Variants in CACNA1D observed in about 807,000 individuals in gnomAD.
The protein encoded by CACNA1D is voltage-dependent L-type calcium channel subunit alpha-1D.
Under a neutral mutation model 257.1 loss-of-function variants are expected in CACNA1D, and 55 were observed. The ratio of observed to expected loss-of-function variants is 0.21; its 90% CI spans 0.17 to 0.27. The LOEUF is 0.27. Among genes scored for constraint, CACNA1D ranks in the 10% least tolerant of loss-of-function variants. The probability of loss-of-function intolerance (pLI) is 1.00; values close to 1 mark genes in which losing one functional copy is unlikely to be tolerated. For synonymous variants in CACNA1D, 980 were observed against 1,014.9 expected (o/e 0.97, Z 0.65); for missense variants, 1,876 against 2,784.0 (o/e 0.67, Z 7.34).
At position 53,495,282 on chromosome 3, in the gene CACNA1D, G is replaced by A. The variant is rs1364947905; in HGVS notation, c.67+49G>A. On this transcript the variant is annotated intron_variant, in intron 1 of 47. Transcript: ENST00000350061. This position sits in a 1 kb window ranked among gnomAD's most constrained non-coding sequence, Gnocchi z 5.1. Reference sequence around the variant, plus strand: ...CCGCTGCCAAATCCGATCCTGTCATGGTCCTCCAGCCCCCTCCCCCTTCCC... The same window carrying A: ...CCGCTGCCAAATCCGATCCTGTCATAGTCCTCCAGCCCCCTCCCCCTTCCC... 6.8e-6 allele frequency: 11 copies of A among 1,610,474 alleles called. No homozygotes were observed. The highest frequency in any genetic ancestry group is 2.2e-5 in the East Asian group (1 of 44,862).
intron 9 of CACNA1D, among the ~76,000 whole-genome samples, chr3:53,715,795 G>A (rs2094812329): frequency 6.6e-6 from 1 of 152,210 alleles, no homozygotes. Context: ...CCTCAGTGGA[G>A]CCCTGGCACA....
intron 8 of CACNA1D, among the ~76,000 whole-genome samples, chr3:53,678,413 T>C (rs2094396589): frequency 6.6e-6 from 1 of 152,228 alleles, no homozygotes; most frequent in Non-Finnish European, 1.5e-5. Context: ...ATCATACCAA[T>C]TAATTTGTAT....
intron 3 of CACNA1D, among the ~76,000 whole-genome samples, chr3:53,566,825 C>T (rs184897447): frequency 6.6e-5 from 10 of 152,280 alleles, no homozygotes; most frequent in Admixed American, 2.0e-4. Flanking sequence ...AGTATTCTTC[C>T]ATTACATGCT....
chr3:53,542,881 C>T (rs978135056), intron 3 of CACNA1D, among the ~76,000 whole-genome samples: 1 of 151,734 alleles, frequency 6.6e-6, no homozygotes, highest in Admixed American at 6.6e-5. Flanking sequence ...CATGGAGAAA[C>T]CCTGTCTCTA....
At chr3:53,593,020 T>A (rs1431052442) in intron 3 of CACNA1D, among the ~76,000 whole-genome samples, 1 of 152,170 alleles carries the variant, frequency 6.6e-6, no homozygotes, top group Admixed American at 6.5e-5. Context: ...TTGCTTTTGC[T>A]CAGCCTGTAA....
chr3:53,624,402 G>A (rs1473380761), intron 3 of CACNA1D, among the ~76,000 whole-genome samples: 1 of 152,208 alleles, frequency 6.6e-6, no homozygotes, highest in African/African-American at 2.4e-5. Context: ...GCGTGATAAC[G>A]AAGACAACAC....
chr3:53,794,405 T>G (rs2095498622), intron 40 of CACNA1D, among the ~76,000 whole-genome samples: 1 of 152,282 alleles, frequency 6.6e-6, no homozygotes, highest in East Asian at 1.9e-4. Context: ...GAAGGGCACA[T>G]AATTCTAAGG....
chr3:53,677,000 CTTT>C (rs775573091), intron 8 of CACNA1D, among the ~76,000 whole-genome samples: 1 of 152,212 alleles, frequency 6.6e-6, no homozygotes, highest in Non-Finnish European at 1.5e-5. Context: ...AGAATGTCTT[CTTT>C]AAGTCTGCAA....
chr3:53,581,869 C>T (rs1177622941), intron 3 of CACNA1D, among the ~76,000 whole-genome samples: 2 of 152,184 alleles, frequency 1.3e-5, no homozygotes, highest in Non-Finnish European at 2.9e-5. Flanking sequence ...TAATTTTGAC[C>T]ACATCTCTAG....
At position 53,811,331 on chromosome 3, in the gene CACNA1D, C is replaced by T; in HGVS notation, c.6411C>T (p.Tyr2137=). ...AGCTACAGGACTTTGGTCCTGGCTACAGCGACGAAGAGCCAGACCCTGGGA... is the reference window on the plus strand; with the variant it reads ...AGCTACAGGACTTTGGTCCTGGCTATAGCGACGAAGAGCCAGACCCTGGGA... ...DYELQDFGPG[Y]SDEEPDPGRD... is the part of the protein sequence containing the mutation. The change falls in exon 48 of 48, where the codon TAC becomes TAT. Residue 2137 remains tyrosine (Y), a synonymous_variant. Coordinates refer to ENST00000350061, the MANE Select transcript of CACNA1D (RefSeq NM_001128840.3). This position sits in a 1 kb window ranked among gnomAD's most constrained non-coding sequence, Gnocchi z 4.2. 1.2e-6 allele frequency: 2 copies of T among 1,607,114 alleles called. No homozygotes were observed. Among genetic ancestry groups the T allele is most frequent in the Non-Finnish European group, 8.5e-7 (1 of 1,175,100 alleles).
rs964728432 is a variant in CACNA1D, at chr3:53,780,192, G to T, written c.4690+64G>T. 5.5e-5 allele frequency: 72 copies of T among 1,299,826 alleles called. No individual in the cohort carries two copies. The East Asian group carries it at 1.1e-3, about 20-fold the overall frequency. 80.5% of individuals were successfully genotyped at this position (1,299,826 alleles called of 1,614,324 possible). On this transcript the variant is annotated intron_variant, in intron 38 of 47. Coordinates refer to ENST00000350061, the MANE Select transcript of CACNA1D (RefSeq NM_001128840.3). ...GGAGAGAGACATCACATCCCATCTT[G>T]CCTTCCTCATCTGGGCCTTTTCTTG...
chr3:53,780,407 C>T (rs1261898469), intron 38 of CACNA1D, among the ~76,000 whole-genome samples: 2 of 152,202 alleles, frequency 1.3e-5, no homozygotes. Flanking sequence ...GGCAGGGTAT[C>T]GGAGCAGAGA....
chr3:53,646,067 G>A (rs1037030712), intron 3 of CACNA1D, among the ~76,000 whole-genome samples: 6 of 152,228 alleles, frequency 3.9e-5, no homozygotes, highest in South Asian at 2.1e-4. Flanking sequence ...ATGTCCATGG[G>A]GCAGGCACCC....
intron 3 of CACNA1D, among the ~76,000 whole-genome samples, chr3:53,604,411 G>A (rs1053511422): frequency 5.9e-5 from 9 of 152,180 alleles, no homozygotes; most frequent in Admixed American, 2.6e-4. Context: ...ACAACCTGGG[G>A]CCATGTGTTC....
chr3:53,762,079 G>C lies in CACNA1D; in HGVS notation c.3868G>C (p.Asp1290His), dbSNP rs2095306267. ...TATAGACGTGGCCCTCAGCGAAGCA[G>C]ACGTGAGTATGCACCTGGCGTGGCC... is the stretch of plus-strand genomic sequence containing the variant. ...SIIDVALSEADPTESENVPVP... is the reference protein window; with the variant it reads ...SIIDVALSEAHPTESENVPVP... Residue 1290 changes from aspartate to histidine, a missense_variant and splice_region_variant, in exon 30 of 48, where the codon GAC becomes CAC. By Grantham distance (81) the Asp-to-His change is moderately conservative (BLOSUM62 -1). Transcript: ENST00000350061. 2 of 1,607,108 alleles carry C rather than the reference G, an allele frequency of 1.2e-6. No homozygotes were observed. Among genetic ancestry groups the C allele is most frequent in the Admixed American group, 1.7e-5 (1 of 60,000 alleles).
intron 8 of CACNA1D, among the ~76,000 whole-genome samples, chr3:53,691,493 A>T (rs1203309812): frequency 6.6e-6 from 1 of 151,086 alleles, no homozygotes; most frequent in East Asian, 1.9e-4. Flanking sequence ...GATTCTCATC[A>T]TTGGGAAAAA....
chr3:53,724,115 G>A, intron 14 of CACNA1D, 116 bp downstream of exon 14: 1 of 831,224 alleles, frequency 1.2e-6, no homozygotes, highest in South Asian at 1.4e-5. Context: ...GTTCATCTCT[G>A]CCCTAATCAT....
At chr3:53,653,778 A>T (rs1415936040) in intron 4 of CACNA1D, among the ~76,000 whole-genome samples, 2 of 152,230 alleles carry the variant, frequency 1.3e-5, no homozygotes, top group African/African-American at 4.8e-5. Flanking sequence ...CAGAAAAAAA[A>T]TTTTGAAGAA....
At chr3:53,548,371 TA>T (rs869046550) in intron 3 of CACNA1D, among the ~76,000 whole-genome samples, 11,338 of 137,982 alleles carry the variant, frequency 0.082, 866 homozygotes, top group African/African-American at 0.2. Flanking sequence ...TTTTTTTTTT[TA>T]AAAATTATCT....
Sources: allele counts gnomAD v4.1 joint callset (sites outside exome capture counted in the v4.1 genomes callset), GRCh38; gene constraint gnomAD v4.1.1; non-coding constraint Gnocchi (gnomAD v3.1); transcripts MANE v1.5; gene names NCBI Gene and HGNC (gene_info 2026-07-23, HGNC 2026-07-21).